Variants in MKLN1 observed in about 807,000 individuals in gnomAD.
The protein encoded by MKLN1 is muskelin 1, also known as muskelin.
Under a neutral mutation model 99.0 loss-of-function variants are expected in MKLN1, and 18 were observed. The ratio of observed to expected loss-of-function variants is 0.18; its 90% CI spans 0.13 to 0.27. The LOEUF is 0.27. Among genes scored for constraint, MKLN1 ranks in the 10% least tolerant of loss-of-function variants. The probability of loss-of-function intolerance (pLI) is 1.00; values close to 1 mark genes in which losing one functional copy is unlikely to be tolerated. For missense variants in MKLN1, 621 were observed against 875.9 expected (o/e 0.71, Z 3.67); for synonymous variants, 288 against 293.2 (o/e 0.98, Z 0.18).
intron 2 of MKLN1, among the ~76,000 whole-genome samples, chr7:131,197,123 A>G (rs1369534165): frequency 6.6e-6 from 1 of 152,240 alleles, no homozygotes; most frequent in African/African-American, 2.4e-5. Context: ...CATGGCCAGA[A>G]GAGACTCCTG....
At chr7:131,321,407 ACAC>A (rs1271769935) in intron 3 of MKLN1, among the ~76,000 whole-genome samples, 1 of 152,058 alleles carries the variant, frequency 6.6e-6, no homozygotes, top group Non-Finnish European at 1.5e-5. Context: ...AGAACATTAA[ACAC>A]CGGGGCCAGT....
In MKLN1 at chr7:131,290,000, A is replaced by G. The variant is rs79728912; in HGVS notation, c.-178-85424A>G. Among the ~76,000 whole-genome samples, 441 of 152,272 alleles carry G rather than the reference A, an allele frequency of 2.9e-3. 4 individuals are homozygous for G. Among genetic ancestry groups the G allele is most frequent in the African/African-American group, 0.01 (419 of 41,560 alleles). On this transcript the variant is annotated intron_variant, in intron 3 of 7. Coordinates refer to the MKLN1 transcript ENST00000416992. Reference sequence around the variant, plus strand: ...AAATATTGTCTTTTAAATGATGACAATGCTATTTAAAATTGCAATTCTTGG... The same window carrying G: ...AAATATTGTCTTTTAAATGATGACAGTGCTATTTAAAATTGCAATTCTTGG...
At chr7:131,468,326 A>C in intron 15 of MKLN1, among the ~76,000 whole-genome samples, 1 of 152,230 alleles carries the variant, frequency 6.6e-6, no homozygotes, top group Admixed American at 6.5e-5. Context: ...ACATCGCTAC[A>C]TTATAGACAG....
intron 1 of MKLN1, among the ~76,000 whole-genome samples, chr7:131,343,768 T>C (rs1322621440): frequency 6.6e-6 from 1 of 152,184 alleles, no homozygotes; most frequent in African/African-American, 2.4e-5. Context: ...TCTAACCTGC[T>C]TTTCCGGGGC....
intron 1 of MKLN1, among the ~76,000 whole-genome samples, chr7:131,338,928 C>T (rs571670353): frequency 5.9e-5 from 9 of 152,326 alleles, no homozygotes; most frequent in East Asian, 1.9e-4. Context: ...GCCTACTCAA[C>T]GTGAAGATGA....
intron 9 of MKLN1, among the ~76,000 whole-genome samples, chr7:131,430,971 C>T (rs922383947): frequency 1.3e-5 from 2 of 152,128 alleles, no homozygotes; most frequent in African/African-American, 2.4e-5. Flanking sequence ...CCTGTAATCC[C>T]AGCACTTCGG....
intron 2 of MKLN1, among the ~76,000 whole-genome samples, chr7:131,178,698 A>G (rs1456933266): frequency 1.3e-5 from 2 of 151,504 alleles, no homozygotes; most frequent in Non-Finnish European, 2.9e-5. Flanking sequence ...TTTTGTTGTT[A>G]TTTTTGGCAA....
At chr7:131,416,296 G>A (rs1056939283) in intron 8 of MKLN1, among the ~76,000 whole-genome samples, 1 of 152,140 alleles carries the variant, frequency 6.6e-6, no homozygotes, top group Non-Finnish European at 1.5e-5. Flanking sequence ...TAATTATTAT[G>A]AGAGATGAAC....
At chr7:131,466,923 A>ACACACACACGCG (rs1254085462) in intron 15 of MKLN1, among the ~76,000 whole-genome samples, 1 of 150,550 alleles carries the variant, frequency 6.6e-6, no homozygotes, top group African/African-American at 2.5e-5. Flanking sequence ...ACACACACAC[A>ACACACACACGCG]CGCGCGCGCG....
At chr7:131,165,069 C>T in intron 2 of MKLN1, among the ~76,000 whole-genome samples, 1 of 152,116 alleles carries the variant, frequency 6.6e-6, no homozygotes, top group Non-Finnish European at 1.5e-5. Flanking sequence ...AAAAAAACAT[C>T]ATTCCAGCCA....
chr7:131,242,338 C>A (rs1797416847), intron 3 of MKLN1, among the ~76,000 whole-genome samples: 1 of 152,108 alleles, frequency 6.6e-6, no homozygotes. Flanking sequence ...GCATTTGAGA[C>A]CAACTTGGGC....
At chr7:131,288,223 G>A (rs1245709123) in intron 3 of MKLN1, among the ~76,000 whole-genome samples, 1 of 152,172 alleles carries the variant, frequency 6.6e-6, no homozygotes, top group African/African-American at 2.4e-5. Context: ...CAGAGGGTAG[G>A]AGGCAAAAGA....
intron 4 of MKLN1, among the ~76,000 whole-genome samples, chr7:131,395,450 T>TTTTTATTTTA (rs56276107): frequency 0.27 from 35,548 of 134,042 alleles, 5,032 homozygotes; most frequent in Non-Finnish European, 0.3. Flanking sequence ...GTAAAAATTA[T>TTTTTATTTTA]TTTTATTTTA....
chr7:131,165,695 G>A (rs1796112955), intron 2 of MKLN1, among the ~76,000 whole-genome samples: 1 of 152,236 alleles, frequency 6.6e-6, no homozygotes, highest in Admixed American at 6.5e-5. Flanking sequence ...TAGACCTTTT[G>A]AGTGGTGAAG....
chr7:131,407,684 TG>T (rs1279301774), intron 6 of MKLN1, among the ~76,000 whole-genome samples: 6 of 150,492 alleles, frequency 4.0e-5, no homozygotes, highest in Non-Finnish European at 8.9e-5. Flanking sequence ...TCCTGAAACA[TG>T]GTTTTTTTTT....
At chr7:131,334,862 A>G (rs920707895) in intron 1 of MKLN1, among the ~76,000 whole-genome samples, 2 of 152,234 alleles carry the variant, frequency 1.3e-5, no homozygotes, top group Non-Finnish European at 2.9e-5. Context: ...GTTTCAAAGA[A>G]TGTACAGTTG....
chr7:131,368,732 C>T (rs771457874), intron 1 of MKLN1, among the ~76,000 whole-genome samples: 1 of 152,092 alleles, frequency 6.6e-6, no homozygotes, highest in East Asian at 1.9e-4. Context: ...GGCGGGGACA[C>T]AGAGTCAAAC....
In MKLN1 at chr7:131,401,816, TA is replaced by T. The variant is rs993169198; in HGVS notation, c.703+2391del. 4.2e-4 allele frequency among the ~76,000 whole-genome samples: 64 copies of T among 152,022 alleles called. No homozygotes were observed. The East Asian group carries it at 6.8e-3, about 16-fold the overall frequency. On this transcript the variant is annotated intron_variant, in intron 6 of 17. Coordinates refer to ENST00000352689, the MANE Select transcript of MKLN1 (RefSeq NM_013255.5). ...TTAAGGTACAGTGGCATTATTTCTT[TA>T]AAAAAAATGCATATACCTTAACTTA...
intron 3 of MKLN1, among the ~76,000 whole-genome samples, chr7:131,244,823 C>T (rs558016838): frequency 2.0e-5 from 3 of 152,172 alleles, no homozygotes; most frequent in African/African-American, 2.4e-5. Flanking sequence ...CCTCTTCATC[C>T]GCCCCTCCTC....
Sources: allele counts gnomAD v4.1 joint callset (sites outside exome capture counted in the v4.1 genomes callset), GRCh38; gene constraint gnomAD v4.1.1; transcripts MANE v1.5; gene names NCBI Gene and HGNC (gene_info 2026-07-23, HGNC 2026-07-21).